Variants in DPH6 observed in about 807,000 individuals in gnomAD.
DPH6 encodes diphthamine biosynthesis 6.
A neutral mutation model predicts 38.2 loss-of-function variants in DPH6; 33 were observed. The observed-to-expected ratio is 0.86, with a 90% CI of 0.65 to 1.15. DPH6 has a LOEUF of 1.15. Ranked by LOEUF, DPH6 falls within the 50% of genes most tolerant of loss-of-function variation. DPH6 has a pLI of 0.00. For missense variants in DPH6, 325 were observed against 320.0 expected (o/e 1.02, Z -0.12); for synonymous variants, 108 against 103.0 (o/e 1.05, Z -0.30).
At chr15:35,232,763 G>A (rs2051527000) in intron 3 of DPH6, among the ~76,000 whole-genome samples, 1 of 152,290 alleles carries the variant, frequency 6.6e-6, no homozygotes, top group Non-Finnish European at 1.5e-5. Context: ...CCAAGCATGG[G>A]AGGAGTATGG....
At position 35,273,892 on chromosome 15, in the gene DPH6, T is replaced by C. The variant is rs142062400; in HGVS notation, n.201-53310A>G. Among the ~76,000 whole-genome samples the C allele has an allele frequency of 4.6e-3, 702 of 152,222 alleles. 2 individuals carry two copies. The highest frequency in any genetic ancestry group is 0.018 in the South Asian group (86 of 4,822). On this transcript the variant is annotated intron_variant and non_coding_transcript_variant, in intron 3 of 3. Transcript: ENST00000560386. The stretch of plus-strand genomic sequence containing the variant: ...CTACCAGTGACTTTCTTTGCAGAAG[T>C]AGAAAAAAACTACTTTAAATTTCAT...
intron 3 of DPH6, among the ~76,000 whole-genome samples, chr15:35,455,506 G>T (rs1245294051): frequency 6.6e-6 from 1 of 152,138 alleles, no homozygotes; most frequent in Non-Finnish European, 1.5e-5. Flanking sequence ...GATCAAGTTT[G>T]CAGAGGATAC....
chr15:35,416,941 T>A (rs1270745747), intron 5 of DPH6, among the ~76,000 whole-genome samples: 6 of 151,984 alleles, frequency 3.9e-5, no homozygotes, highest in African/African-American at 1.2e-4. Flanking sequence ...CCGGGTGATA[T>A]TAGGGATGTT....
intron 3 of DPH6, among the ~76,000 whole-genome samples, chr15:35,507,307 AAT>A (rs1345116802): frequency 6.6e-6 from 1 of 152,078 alleles, no homozygotes; most frequent in African/African-American, 2.4e-5. Flanking sequence ...AAAATACTAT[AAT>A]ATAAAAATTT....
chr15:35,221,860 T>C (rs1310845053), intron 3 of DPH6, among the ~76,000 whole-genome samples: 3 of 152,208 alleles, frequency 2.0e-5, no homozygotes, highest in African/African-American at 7.2e-5. Flanking sequence ...TTTTCTGACA[T>C]TTTACTATGT....
At chr15:35,304,272 A>G (rs1300898451) in intron 3 of DPH6, among the ~76,000 whole-genome samples, 1 of 152,152 alleles carries the variant, frequency 6.6e-6, no homozygotes, top group African/African-American at 2.4e-5. Context: ...AGAACTCACT[A>G]CTGCTGATTG....
the DPH6 span, among the ~76,000 whole-genome samples, chr15:35,205,487 A>G: frequency 2.0e-5 from 3 of 152,062 alleles, no homozygotes; most frequent in African/African-American, 7.2e-5. Context: ...ATTAAATAAA[A>G]CTTGGCCAAC....
At chr15:35,545,919 G>A (rs2055343647) in intron 1 of DPH6, among the ~76,000 whole-genome samples, 200 bp downstream of exon 1, 2 of 152,192 alleles carry the variant, frequency 1.3e-5, no homozygotes, top group African/African-American at 4.8e-5. Context: ...GACAGACAGG[G>A]AGGAGGCGCG....
downstream of DPH6, among the ~76,000 whole-genome samples, chr15:35,214,337 T>C (rs1289764651): frequency 6.6e-6 from 1 of 152,034 alleles, no homozygotes; most frequent in African/African-American, 2.4e-5. Flanking sequence ...GTTTGGAGAG[T>C]AGAATGAAAG....
At chr15:35,193,784 T>G in the DPH6 span, among the ~76,000 whole-genome samples, 1 of 152,132 alleles carries the variant, frequency 6.6e-6, no homozygotes, top group East Asian at 1.9e-4. Flanking sequence ...AAATAATTAG[T>G]CAATACTAAA....
intron 3 of DPH6, among the ~76,000 whole-genome samples, chr15:35,340,867 T>G (rs145866654): frequency 6.6e-6 from 1 of 152,290 alleles, no homozygotes; most frequent in African/African-American, 2.4e-5. Context: ...GGGATTGATC[T>G]TCTCATGGAG....
rs113104810 is a variant in DPH6, at chr15:35,311,237, T to A, written n.200+62284A>T. On this transcript the variant is annotated intron_variant and non_coding_transcript_variant, in intron 3 of 3. Transcript: ENST00000560386. ...AGGTGCCATATGATTATGGTAATTA[T>A]TAATTTAAAAACAACAGGTTTTAAA... Among the ~76,000 whole-genome samples the A allele has an allele frequency of 2.2e-3, 341 of 152,282 alleles. 5 individuals are homozygous for A. The highest frequency in any genetic ancestry group is 7.7e-3 in the African/African-American group (322 of 41,566).
chr15:35,294,863 G>T (rs552984224), intron 3 of DPH6, among the ~76,000 whole-genome samples: 1 of 152,332 alleles, frequency 6.6e-6, no homozygotes, highest in South Asian at 2.1e-4. Flanking sequence ...GACTTGTACA[G>T]AAATCAAAGA....
chr15:35,241,236 A>G lies in DPH6; in HGVS notation n.201-20654T>C, dbSNP rs181169893. On this transcript the variant is annotated intron_variant and non_coding_transcript_variant, in intron 3 of 3. Transcript: ENST00000560386. ...CCTTCCCAGATCTTCTCGGCTTAGC[A>G]GCTGAAGACTGACACTGCCCGATCG... is the stretch of plus-strand genomic sequence containing the variant. Among the ~76,000 whole-genome samples the G allele has an allele frequency of 4.9e-5, 7 of 142,554 alleles. 1 individual carries two copies. Among genetic ancestry groups the G allele is most frequent in the South Asian group, 2.5e-4 (1 of 4,056 alleles). 93.5% of individuals were successfully genotyped at this position (142,554 alleles called of 152,430 possible).
intron 8 of DPH6, 107 bp from the exon 9 acceptor site, chr15:35,372,310 C>A (rs1173072591): frequency 1.1e-6 from 1 of 930,134 alleles, no homozygotes; most frequent in African/African-American, 1.8e-5. Context: ...ATACTGTTAT[C>A]TTCGCAGCCT....
chr15:35,411,926 T>C (rs1162489004), intron 5 of DPH6, among the ~76,000 whole-genome samples: 3 of 151,482 alleles, frequency 2.0e-5, no homozygotes, highest in Non-Finnish European at 4.4e-5. Flanking sequence ...AGGAAAAAAA[T>C]CTAGATGGTC....
At chr15:35,359,723 G>A (rs1425239206) in intron 3 of DPH6, among the ~76,000 whole-genome samples, 1 of 152,206 alleles carries the variant, frequency 6.6e-6, no homozygotes, top group Non-Finnish European at 1.5e-5. Flanking sequence ...TTTTGGGCGG[G>A]GGGACTCCTG....
At chr15:35,226,342 A>G (rs2051481186) in intron 3 of DPH6, among the ~76,000 whole-genome samples, 1 of 152,186 alleles carries the variant, frequency 6.6e-6, no homozygotes, top group Non-Finnish European at 1.5e-5. Flanking sequence ...ACCTTTACTC[A>G]GTCTTTACAT....
At chr15:35,299,584 A>G (rs2052041170) in intron 3 of DPH6, 2 of 419,858 alleles carry the variant, frequency 4.8e-6, no homozygotes, top group Non-Finnish European at 8.5e-6. Context: ...GGGGTCAGGT[A>G]GCGCGGGCTG....
Sources: allele counts gnomAD v4.1 joint callset (sites outside exome capture counted in the v4.1 genomes callset), GRCh38; gene constraint gnomAD v4.1.1; transcripts MANE v1.5; gene names NCBI Gene and HGNC (gene_info 2026-07-23, HGNC 2026-07-21).